Variants in CUBN observed in about 807,000 individuals in gnomAD.
The protein encoded by CUBN is cubilin.
A neutral mutation model predicts 405.3 loss-of-function variants in CUBN; 282 were observed. The ratio of observed to expected loss-of-function variants is 0.70; its 90% CI spans 0.63 to 0.77. CUBN has a LOEUF of 0.77. Ranked by LOEUF, CUBN falls within the 30% of genes least tolerant of loss-of-function variation. CUBN has a pLI of 0.00. For missense variants in CUBN, 4,514 were observed against 4,475.2 expected (o/e 1.01, Z -0.25); for synonymous variants, 1,684 against 1,617.0 (o/e 1.04, Z -0.99).
chr10:16,883,907 T>C (rs1291498574), intron 56 of CUBN, among the ~76,000 whole-genome samples: 1 of 152,234 alleles, frequency 6.6e-6, no homozygotes, highest in African/African-American at 2.4e-5. Context: ...AAATTGAGAA[T>C]TTCTAAATTC....
intron 59 of CUBN, among the ~76,000 whole-genome samples, chr10:16,862,160 T>TCTCTCTCACACACACACACA (rs144560387): frequency 3.2e-4 from 42 of 131,204 alleles, no homozygotes; most frequent in Admixed American, 1.1e-3. Context: ...TCTCTCTCTC[T>TCTCTCTCACACACACACACA]CACACACACA....
At chr10:16,898,915 G>A (rs1841274905) in intron 54 of CUBN, 81 bp downstream of exon 54, 3 of 1,092,994 alleles carry the variant, frequency 2.7e-6, no homozygotes, top group South Asian at 1.2e-5. Context: ...CTTACTTTGA[G>A]CGACAATGAA....
At chr10:16,958,423 G>A (rs759574990) in intron 31 of CUBN, among the ~76,000 whole-genome samples, 1 of 152,152 alleles carries the variant, frequency 6.6e-6, no homozygotes, top group Non-Finnish European at 1.5e-5. Context: ...CTACTCAGGA[G>A]GCTGAGGCAT....
At chr10:16,862,721 G>A (rs979235218) in intron 59 of CUBN, among the ~76,000 whole-genome samples, 26 of 152,184 alleles carry the variant, frequency 1.7e-4, no homozygotes, top group African/African-American at 6.0e-4. Flanking sequence ...GCTGATCTGA[G>A]TAAGGATGTT....
At chr10:16,948,694 A>C (rs1242738281) in intron 34 of CUBN, 88 bp from the exon 35 acceptor site, 1 of 1,535,706 alleles carries the variant, frequency 6.5e-7, no homozygotes, top group Non-Finnish European at 8.9e-7. Context: ...CTCGAATTAC[A>C]AGAGACCAAA....
At chr10:17,044,079 ATTTATTATG>A in intron 25 of CUBN, 96 bp from the exon 26 acceptor site, 1 of 555,090 alleles carries the variant, frequency 1.8e-6, no homozygotes, top group Non-Finnish European at 3.0e-6. Flanking sequence ...AAATATATAT[ATTTATTATG>A]TATATATATT....
chr10:16,914,505 G>A (rs1328095896), intron 47 of CUBN, among the ~76,000 whole-genome samples: 1 of 152,068 alleles, frequency 6.6e-6, no homozygotes, highest in Non-Finnish European at 1.5e-5. Context: ...GTTGCAGTGA[G>A]CTGATATCAT....
intron 60 of CUBN, among the ~76,000 whole-genome samples, chr10:16,843,952 G>C (rs564955566): frequency 1.3e-5 from 2 of 152,250 alleles, no homozygotes; most frequent in African/African-American, 4.8e-5. Flanking sequence ...AGACATTTGG[G>C]TTGGCCCTTA....
rs547651973 is a variant in CUBN, at chr10:17,065,642, T to A, written c.3009-4A>T. 6.2e-7 allele frequency: 1 copy of A among 1,613,234 alleles called. No homozygotes were observed. The highest frequency in any genetic ancestry group is 1.7e-5 in the Admixed American group (1 of 59,998). On this transcript the variant is annotated splice_region_variant and splice_polypyrimidine_tract_variant and intron_variant, in intron 21 of 66. Coordinates refer to ENST00000377833, the MANE Select transcript of CUBN (RefSeq NM_001081.4). Reference sequence around the variant, plus strand: ...CGGGATCGACTTTCCACAGTATCTATTCCAAACCAAGAAAGGACAGATGTG... The same window carrying A: ...CGGGATCGACTTTCCACAGTATCTAATCCAAACCAAGAAAGGACAGATGTG...
At position 16,885,011 on chromosome 10, in the gene CUBN, C is replaced by A. The variant is rs572371410; in HGVS notation, c.8905+3406G>T. Among the ~76,000 whole-genome samples the A allele has an allele frequency of 1.1e-4, 17 of 152,252 alleles. No homozygotes were observed. The South Asian group carries it at 3.5e-3, about 32-fold the overall frequency. On this transcript the variant is annotated intron_variant, in intron 56 of 66. Transcript: ENST00000377833. Reference sequence around the variant, plus strand: ...CAAGGCTCCCTCAATAAAGCTATGACCTTCCTTCAGAGCAATCCTCGGTTT... The same window carrying A: ...CAAGGCTCCCTCAATAAAGCTATGAACTTCCTTCAGAGCAATCCTCGGTTT...
chr10:17,110,876 CCTGTG>C, intron 9 of CUBN, 38 bp downstream of exon 9: 1 of 1,613,922 alleles, frequency 6.2e-7, no homozygotes, highest in Non-Finnish European at 8.5e-7. Flanking sequence ...GTCTGTGTTC[CCTGTG>C]CTGGGGTCAG....
chr10:16,843,309 A>G (rs933361256), intron 60 of CUBN, among the ~76,000 whole-genome samples: 5 of 152,248 alleles, frequency 3.3e-5, no homozygotes, highest in Non-Finnish European at 7.3e-5. Flanking sequence ...GTGTGTATCT[A>G]ACTCCAAATA....
In CUBN at chr10:16,920,111, C is replaced by G. The variant is rs140862613; in HGVS notation, c.6673G>C (p.Asp2225His). The G allele has an allele frequency of 1.8e-4, 293 of 1,613,968 alleles. No individual in the cohort carries two copies. The African/African-American group carries it at 3.6e-3, about 20-fold the overall frequency. The stretch of plus-strand genomic sequence containing the variant: ...GTCACATACCCAGCAGAATCAGCAT[C>G]ATGGATGTAGACGTTGCCCCCACAG... ...LACGGNVYIH[D>H]ADSAGYVTSP... Residue 2225 changes from aspartate (D) to histidine (H), a missense_variant, in exon 44 of 67, where the codon GAT becomes CAT. Physicochemically the swap from Asp to His is moderately conservative, Grantham distance 81. Around this residue, in one of 5 missense-constraint regions of CUBN, gnomAD observed 1,613 missense variants for 1,542.8 expected, o/e 1.05. Coordinates refer to ENST00000377833, the MANE Select transcript of CUBN (RefSeq NM_001081.4).
rs142424994 is a variant in CUBN at position 17,084,440 on chromosome 10, T to C, written c.2132A>G (p.Asn711Ser). The change falls in exon 17 of 67, where the codon AAC becomes AGC. Residue 711 changes from asparagine to serine, a missense_variant. Coordinates refer to ENST00000377833, the MANE Select transcript of CUBN (RefSeq NM_001081.4). Reference sequence around the variant, plus strand: ...GAGTTCACCCTCTGGGTCCGTGTAGTTCCCACCACAACGCAGATCCGCTAA... The same window carrying C: ...GAGTTCACCCTCTGGGTCCGTGTAGCTCCCACCACAACGCAGATCCGCTAA... ...TSPSDLRCGGNYTDPEGELFL... is the reference protein window; with the variant it reads ...TSPSDLRCGGSYTDPEGELFL... 15 of 1,613,396 alleles carry C rather than the reference T, an allele frequency of 9.3e-6. No individual in the cohort carries two copies. The African/African-American group carries it at 1.9e-4, about 20-fold the overall frequency.
At chr10:17,023,569 G>A (rs1255028866) in intron 27 of CUBN, 1 of 455,488 alleles carries the variant, frequency 2.2e-6, no homozygotes, top group African/African-American at 2.0e-5. Context: ...ATGGAAAGCC[G>A]TCTCACTGAT....
intron 27 of CUBN, among the ~76,000 whole-genome samples, chr10:17,034,793 G>A (rs945815178): frequency 6.6e-6 from 1 of 152,162 alleles, no homozygotes; most frequent in South Asian, 2.1e-4. Context: ...TGGCGACGGG[G>A]AGACTGTTTC....
chr10:16,958,153 T>A (rs1843122860), intron 31 of CUBN, among the ~76,000 whole-genome samples: 1 of 152,072 alleles, frequency 6.6e-6, no homozygotes, highest in South Asian at 2.1e-4. Flanking sequence ...AATCACCCAT[T>A]TCCTTGGGGG....
At chr10:16,832,830 G>T (rs1158239517) in intron 64 of CUBN, among the ~76,000 whole-genome samples, 4 of 152,248 alleles carry the variant, frequency 2.6e-5, no homozygotes, top group Middle Eastern at 3.4e-3. Flanking sequence ...AGAATTCTCA[G>T]TCAGACATTT....
intron 41 of CUBN, among the ~76,000 whole-genome samples, chr10:16,927,676 A>G (rs996019092): frequency 2.0e-5 from 3 of 152,220 alleles, no homozygotes; most frequent in Non-Finnish European, 4.4e-5. Flanking sequence ...ATGGTATCCC[A>G]TATATGGTGC....
Sources: gnomAD v4.1 joint callset for allele counts (sites outside exome capture counted in the v4.1 genomes callset) on GRCh38, gnomAD v4.1.1 for gene constraint, gnomAD v4.1.1 regional missense constraint, MANE v1.5 for transcripts, NCBI Gene and HGNC (gene_info 2026-07-23, HGNC 2026-07-21) for gene names.